IL1RAPL2: variants seen among roughly 807,000 people sequenced by gnomAD.
The protein encoded by IL1RAPL2 is X-linked interleukin-1 receptor accessory protein-like 2.
Under a neutral mutation model 44.1 loss-of-function variants are expected in IL1RAPL2, and 3 were observed. That is an observed-to-expected ratio of 0.07 (90% CI 0.03 to 0.18). IL1RAPL2 has a LOEUF of 0.18. IL1RAPL2 is among the 10% of genes least tolerant of loss of function. The probability of loss-of-function intolerance (pLI) is 1.00; values close to 1 mark genes in which losing one functional copy is unlikely to be tolerated. For missense variants in IL1RAPL2, 391 were observed against 496.4 expected, an observed-to-expected ratio of 0.79 and a Z score of 2.02; for synonymous variants, 181 against 178.8, an observed-to-expected ratio of 1.01 and a Z score of -0.10.
At chrX:105,054,669 A>G (rs2031970439) in intron 2 of IL1RAPL2, among the ~76,000 whole-genome samples, 3 of 112,366 alleles carry the variant, frequency 2.7e-5, no homozygotes, top group Non-Finnish European at 1.9e-5. Context: ...ATCATATGTT[A>G]ATTAGATACA....
chrX:105,244,920 G>A (rs1397586612), intron 4 of IL1RAPL2, among the ~76,000 whole-genome samples: 1 of 111,606 alleles, frequency 9.0e-6, no homozygotes, highest in Non-Finnish European at 1.9e-5. Context: ...AGCTGGATTG[G>A]TTACAGCTCA....
chrX:105,556,273 T>G (rs1421575840), intron 6 of IL1RAPL2, among the ~76,000 whole-genome samples: 1 of 111,834 alleles, frequency 8.9e-6, no homozygotes, highest in Non-Finnish European at 1.9e-5. Flanking sequence ...AAGTTTTATT[T>G]TAGTAATTTT....
Position 105,024,250 on chromosome X carries a change from A to T in IL1RAPL2, c.83-171225A>T, listed in dbSNP as rs1313689276. 4.5e-5 allele frequency among the ~76,000 whole-genome samples: 5 copies of T among 111,643 alleles called. No homozygotes were observed. The East Asian group carries it at 1.4e-3, about 32-fold the overall frequency. ...CTCATTTGGCACTTTTCCTATACAA[A>T]TTGCTTTCTGCCCATCATACAATTT... is the stretch of plus-strand genomic sequence containing the variant. On this transcript the variant is annotated intron_variant, in intron 2 of 10. Transcript: ENST00000372582.
intron 5 of IL1RAPL2, among the ~76,000 whole-genome samples, chrX:105,455,622 G>A (rs1190595851): frequency 1.8e-5 from 2 of 111,536 alleles, no homozygotes; most frequent in East Asian, 2.8e-4. Context: ...TCAAAGATCC[G>A]ATAGTTGTAG....
At chrX:105,155,935 G>A (rs1018687065) in intron 2 of IL1RAPL2, among the ~76,000 whole-genome samples, 2 of 111,217 alleles carry the variant, frequency 1.8e-5, no homozygotes, top group Non-Finnish European at 3.8e-5. Context: ...ACGGAGCACT[G>A]TGAGCAAGCC....
intron 2 of IL1RAPL2, among the ~76,000 whole-genome samples, chrX:105,080,251 T>C (rs2032384689): frequency 8.9e-6 from 1 of 112,057 alleles, no homozygotes; most frequent in South Asian, 3.7e-4. Flanking sequence ...ATTTTGGCTT[T>C]TGTTGCCATT....
At chrX:105,740,471 C>T (rs2038490585) in intron 7 of IL1RAPL2, 75 bp from the exon 8 acceptor site, 1 of 1,029,363 alleles carries the variant, frequency 9.7e-7, no homozygotes, top group Non-Finnish European at 1.3e-6. Flanking sequence ...AGCTGTGTGA[C>T]CATCTGTAGT....
chrX:105,402,654 T>A (rs1379606520), intron 5 of IL1RAPL2, among the ~76,000 whole-genome samples: 2 of 111,512 alleles, frequency 1.8e-5, no homozygotes, highest in African/African-American at 6.5e-5. Flanking sequence ...TAAAATCTTG[T>A]ACAGATTCCA....
chrX:105,703,609 A>C (rs2038138937), intron 6 of IL1RAPL2, among the ~76,000 whole-genome samples: 1 of 111,837 alleles, frequency 8.9e-6, no homozygotes, highest in Non-Finnish European at 1.9e-5. Flanking sequence ...CAAGTCATTT[A>C]AAACTGTGCC....
rs1304044009 is a variant in IL1RAPL2, at chrX:104,855,680, C to CTTTTTTTTTTT, written c.82+196685_82+196686insTTTTTTTTTTT. On this transcript the variant is annotated intron_variant, in intron 2 of 10. Coordinates refer to ENST00000372582, the MANE Select transcript of IL1RAPL2 (RefSeq NM_017416.2). ...CTTAACTGTGCTAAGGATCTGGATCCGTTTTTTTTTTTTTTTTTACTGTAT... is the reference window on the plus strand; with the variant it reads ...CTTAACTGTGCTAAGGATCTGGATCCTTTTTTTTTTTGTTTTTTTTTTTTTTTTTACTGTAT... 7.4e-4 allele frequency among the ~76,000 whole-genome samples: 40 copies of CTTTTTTTTTTT among 53,804 alleles called. 1 individual carries two copies. The highest frequency in any genetic ancestry group is 2.4e-3 in the African/African-American group (39 of 15,974). The allele number at this position is 53,804 out of a possible 115,157, so 46.7% of individuals were successfully genotyped here.
chrX:104,724,435 G>A (rs1402810193), intron 2 of IL1RAPL2, among the ~76,000 whole-genome samples: 3 of 111,481 alleles, frequency 2.7e-5, no homozygotes, highest in Non-Finnish European at 5.7e-5. Flanking sequence ...TGCACATTGT[G>A]CACATGTACC....
At chrX:105,060,042 T>C (rs1297884055) in intron 2 of IL1RAPL2, among the ~76,000 whole-genome samples, 1 of 112,160 alleles carries the variant, frequency 8.9e-6, no homozygotes, top group Non-Finnish European at 1.9e-5. Context: ...TTCTCCTTAG[T>C]GCTTGTACTA....
chrX:105,043,988 G>C (rs1267898858), intron 2 of IL1RAPL2, among the ~76,000 whole-genome samples: 1 of 111,516 alleles, frequency 9.0e-6, no homozygotes, highest in Non-Finnish European at 1.9e-5. Flanking sequence ...CATACTTAAG[G>C]CTGATGACTA....
chrX:104,702,628 C>A (rs1166199919), intron 2 of IL1RAPL2, among the ~76,000 whole-genome samples: 5 of 111,607 alleles, frequency 4.5e-5, no homozygotes, highest in Non-Finnish European at 9.4e-5. Flanking sequence ...TTTCATTCCT[C>A]CTTAAAGTTG....
chrX:104,924,725 A>G (rs1271053910), intron 2 of IL1RAPL2, among the ~76,000 whole-genome samples: 1 of 111,327 alleles, frequency 9.0e-6, no homozygotes, highest in Admixed American at 9.6e-5. Flanking sequence ...TTATAGTATT[A>G]AATGCCTACG....
chrX:104,658,952 T>C lies in IL1RAPL2; in HGVS notation c.39T>C (p.Ser13=). 8.3e-7 allele frequency: 1 copy of C among 1,208,568 alleles called. No homozygotes were observed. Among genetic ancestry groups the C allele is most frequent in the Non-Finnish European group, 1.1e-6 (1 of 893,472 alleles). ...TTCTTTTGGCCCTTGTGGTCTGTTC[T>C]GTAGTCAGCACAAATCTGAAGATGG... ...PPFLLALVVC[S]VVSTNLKMVS... The change falls in exon 2 of 11, where the codon TCT becomes TCC. Residue 13 remains serine, a synonymous_variant. Transcript: ENST00000372582.
At chrX:104,729,315 TG>T (rs1931857466) in intron 2 of IL1RAPL2, among the ~76,000 whole-genome samples, 1 of 110,786 alleles carries the variant, frequency 9.0e-6, no homozygotes, top group African/African-American at 3.3e-5. Flanking sequence ...TAGTAGGGCT[TG>T]ATCATCGTCC....
intron 2 of IL1RAPL2, among the ~76,000 whole-genome samples, chrX:105,159,642 T>C (rs2033303377): frequency 8.9e-6 from 1 of 111,952 alleles, no homozygotes; most frequent in Non-Finnish European, 1.9e-5. Flanking sequence ...TCCACACAAA[T>C]TACTGTAATA....
At chrX:105,204,153 G>T (rs2147616479) in intron 3 of IL1RAPL2, among the ~76,000 whole-genome samples, 1 of 110,543 alleles carries the variant, frequency 9.0e-6, no homozygotes, top group South Asian at 3.9e-4. Flanking sequence ...TGGCAAGATA[G>T]ATTAAAGGAA....
Sources: gnomAD v4.1 joint callset for allele counts (sites outside exome capture counted in the v4.1 genomes callset) on GRCh38, gnomAD v4.1.1 for gene constraint, MANE v1.5 for transcripts, NCBI Gene and HGNC (gene_info 2026-07-23, HGNC 2026-07-21) for gene names.